The following MORC1 variants were observed in gnomAD, a reference collection of about 807,000 sequenced individuals.
The protein encoded by MORC1 is MORC family CW-type zinc finger protein 1.
Under a neutral mutation model 134.9 loss-of-function variants are expected in MORC1, and 59 were observed. That is an observed-to-expected ratio of 0.44 (90% CI 0.35 to 0.54). The LOEUF (loss-of-function observed/expected upper bound fraction) is 0.54, where lower values mean the gene tolerates loss of function less well. Ranked by LOEUF, MORC1 falls within the 20% of genes least tolerant of loss-of-function variation. The pLI, the probability that MORC1 is intolerant of heterozygous loss-of-function variation, is 0.00. For synonymous variants in MORC1, 395 were observed against 391.7 expected (o/e 1.01, Z -0.10); for missense variants, 947 against 1,134.5 (o/e 0.83, Z 2.37).
chr3:109,021,234 G>A (rs1038461218), intron 17 of MORC1, among the ~76,000 whole-genome samples: 2 of 152,178 alleles, frequency 1.3e-5, no homozygotes, highest in African/African-American at 4.8e-5. Flanking sequence ...ACACTAACTG[G>A]GGACTGGTTG....
intron 24 of MORC1, among the ~76,000 whole-genome samples, chr3:108,977,454 C>T (rs567903948): frequency 6.6e-6 from 1 of 152,186 alleles, no homozygotes; most frequent in African/African-American, 2.4e-5. Context: ...CTTGTTCAAG[C>T]AATCCTCCCA....
chr3:109,034,359 A>G (rs1004745725), intron 15 of MORC1, among the ~76,000 whole-genome samples: 1 of 152,166 alleles, frequency 6.6e-6, no homozygotes, highest in Non-Finnish European at 1.5e-5. Context: ...CTGAGCTGTT[A>G]GTTACAGATA....
At chr3:108,983,089 C>A (rs1371064745) in intron 23 of MORC1, among the ~76,000 whole-genome samples, 1 of 151,710 alleles carries the variant, frequency 6.6e-6, no homozygotes, top group African/African-American at 2.4e-5. Flanking sequence ...CATGCATACA[C>A]ACACCTGCAT....
At chr3:109,034,829 G>A (rs1003191911) in intron 15 of MORC1, among the ~76,000 whole-genome samples, 4 of 152,050 alleles carry the variant, frequency 2.6e-5, no homozygotes, top group Non-Finnish European at 5.9e-5. Context: ...GCTCACCACA[G>A]CCTCAACCTC....
chr3:109,013,776 A>G (rs963676565), intron 17 of MORC1, among the ~76,000 whole-genome samples: 5 of 152,198 alleles, frequency 3.3e-5, no homozygotes, highest in African/African-American at 1.2e-4. Flanking sequence ...CTGCAATGCA[A>G]CAGTGTTGGG....
intron 17 of MORC1, among the ~76,000 whole-genome samples, chr3:109,015,220 A>T (rs1415807906): frequency 6.6e-6 from 1 of 152,148 alleles, no homozygotes; most frequent in East Asian, 1.9e-4. Flanking sequence ...AGAAGCAAGA[A>T]CAGACATAGC....
At chr3:109,099,568 C>T in intron 5 of MORC1, 102 bp from the exon 6 acceptor site, 2 of 854,082 alleles carry the variant, frequency 2.3e-6, no homozygotes, top group South Asian at 4.4e-5. Flanking sequence ...ATGTTCTTTC[C>T]AACACTCTGT....
chr3:108,976,285 T>A (rs544957255), intron 24 of MORC1, among the ~76,000 whole-genome samples: 3 of 152,332 alleles, frequency 2.0e-5, no homozygotes, highest in African/African-American at 7.2e-5. Context: ...ACACCCTTTA[T>A]ACTTCAAAGG....
rs1487362535 is a variant in MORC1 at position 109,070,984 on chromosome 3, C to T, written c.690-1227G>A. 3.9e-5 allele frequency among the ~76,000 whole-genome samples: 6 copies of T among 152,092 alleles called. No homozygotes were observed. The East Asian group carries it at 9.6e-4, about 24-fold the overall frequency. On this transcript the variant is annotated intron_variant, in intron 8 of 27. Coordinates refer to ENST00000232603, the MANE Select transcript of MORC1 (RefSeq NM_014429.4). ...CACTCTTATTCCCTAAATATTAATA[C>T]TAGTGTATTTTTTAATGTAACAAGA...
rs555201294 is a variant in MORC1 at position 108,999,301 on chromosome 3, C to A, written c.2187+1256G>T. Among the ~76,000 whole-genome samples, 5 of 152,162 alleles carry A rather than the reference C, an allele frequency of 3.3e-5. No individual in the cohort carries two copies. In the South Asian group the frequency reaches 1.0e-3, roughly 32 times the overall value. On this transcript the variant is annotated intron_variant, in intron 21 of 27. Transcript: ENST00000232603. Reference sequence around the variant, plus strand: ...TTCAAAGGGCTACTTCAAATAATTACAATTTATGCATGAAATCATATGATG... The same window carrying A: ...TTCAAAGGGCTACTTCAAATAATTAAAATTTATGCATGAAATCATATGATG...
intron 1 of MORC1, 58 bp downstream of exon 1, chr3:109,117,937 C>T (rs1413282313): frequency 9.0e-6 from 13 of 1,437,078 alleles, no homozygotes; most frequent in East Asian, 2.5e-5. Flanking sequence ...CGGGCAAAAC[C>T]TTTCTTCATG....
In MORC1 at chr3:109,059,818, T is replaced by C; in HGVS notation, c.1019A>G (p.Lys340Arg). 3.7e-6 allele frequency: 6 copies of C among 1,612,256 alleles called. No individual in the cohort carries two copies. Among genetic ancestry groups the C allele is most frequent in the Non-Finnish European group, 5.1e-6 (6 of 1,179,032 alleles). ...EDVEAKQKNL[K>R]EKQRELKTAR... ...CCTTGTGTCTTACCTTTGTTTCTCT[T>C]TAAGATTCTTTTGCTTTGCTTCTAC... The change falls in exon 12 of 28, where the codon AAA becomes AGA. Residue 340 changes from lysine (K) to arginine (R), a missense_variant. Coordinates refer to ENST00000232603, the MANE Select transcript of MORC1 (RefSeq NM_014429.4).
At chr3:109,077,483 C>T (rs989985479) in intron 8 of MORC1, among the ~76,000 whole-genome samples, 1 of 152,000 alleles carries the variant, frequency 6.6e-6, no homozygotes, top group Non-Finnish European at 1.5e-5. Flanking sequence ...GAAATACATA[C>T]TAATTAACTC....
At chr3:108,970,681 C>A (rs1327168945) in intron 25 of MORC1, among the ~76,000 whole-genome samples, 3 of 152,194 alleles carry the variant, frequency 2.0e-5, no homozygotes, top group East Asian at 3.8e-4. Context: ...AGGCCTCCCA[C>A]CCTCCTGCAC....
intron 8 of MORC1, among the ~76,000 whole-genome samples, chr3:109,080,840 T>C (rs886661291): frequency 7.2e-5 from 11 of 152,166 alleles, no homozygotes; most frequent in Admixed American, 4.6e-4. Context: ...AATTAAGTTC[T>C]AATGGGGCAG....
At chr3:108,991,284 G>A (rs1010920973) in intron 21 of MORC1, among the ~76,000 whole-genome samples, 6 of 152,194 alleles carry the variant, frequency 3.9e-5, no homozygotes, top group South Asian at 2.1e-4. Flanking sequence ...TAGGAGTACC[G>A]CTGTAGTCCA....
intron 2 of MORC1, among the ~76,000 whole-genome samples, chr3:109,113,992 T>C (rs1180341100): frequency 1.3e-5 from 2 of 152,254 alleles, no homozygotes; most frequent in African/African-American, 4.8e-5. Context: ...ATGTCTGATA[T>C]ATAGTAAGAG....
At chr3:109,100,186 T>C (rs954818273) in intron 5 of MORC1, among the ~76,000 whole-genome samples, 7 of 151,886 alleles carry the variant, frequency 4.6e-5, no homozygotes, top group African/African-American at 1.7e-4. Flanking sequence ...GAGGTTGCAG[T>C]GAGCCAAGAT....
rs768295194 is a variant in MORC1 at position 109,005,266 on chromosome 3, T to C, written c.1817A>G (p.His606Arg). The C allele has an allele frequency of 1.7e-5, 28 of 1,612,316 alleles. No homozygotes were observed. Among genetic ancestry groups the C allele is most frequent in the Non-Finnish European group, 2.2e-5 (26 of 1,179,602 alleles). ...KIRLLGDDLK[H>R]ESLSSFELSA... ...AAGCTCAAAGGATGAAAGAGATTCA[T>C]GCTTCAAGTCATCGCCCAAAAGCCT... is the stretch of plus-strand genomic sequence containing the variant. The change falls in exon 19 of 28, where the codon CAT becomes CGT. Residue 606 changes from histidine to arginine, a missense_variant. By Grantham distance (29) the His-to-Arg change is conservative. Coordinates refer to ENST00000232603, the MANE Select transcript of MORC1 (RefSeq NM_014429.4).
Sources: allele counts gnomAD v4.1 joint callset (sites outside exome capture counted in the v4.1 genomes callset), GRCh38; gene constraint gnomAD v4.1.1; transcripts MANE v1.5; gene names NCBI Gene and HGNC (gene_info 2026-07-23, HGNC 2026-07-21).